Variants in TAF3 observed in about 807,000 individuals in gnomAD.
TAF3 encodes TATA-box binding protein associated factor 3.
In TAF3, 7 loss-of-function variants were observed where a neutral mutation model predicts 80.6. That is an observed-to-expected ratio of 0.09 (90% CI 0.05 to 0.16). The LOEUF is 0.16. Ranked by LOEUF, TAF3 falls within the 10% of genes least tolerant of loss-of-function variation. TAF3 has a pLI of 1.00. For missense variants in TAF3, 921 were observed against 1,140.2 expected, an observed-to-expected ratio of 0.81 and a Z score of 2.77; for synonymous variants, 444 against 446.1, an observed-to-expected ratio of 1.00 and a Z score of 0.06.
intron 2 of TAF3, among the ~76,000 whole-genome samples, chr10:7,871,673 A>G (rs560490913): frequency 1.9e-3 from 287 of 152,012 alleles, no homozygotes; most frequent in African/African-American, 6.3e-3. Context: ...TGAACTCCCA[A>G]CCTCAGGTGA....
intron 2 of TAF3, among the ~76,000 whole-genome samples, chr10:7,836,376 G>A (rs1458073744): frequency 4.6e-5 from 7 of 151,510 alleles, no homozygotes; most frequent in Non-Finnish European, 1.0e-4. Context: ...CCTGGTTCAA[G>A]TGATTCTCCT....
chr10:7,930,888 A>G (rs1210624915), intron 2 of TAF3, among the ~76,000 whole-genome samples: 3 of 152,052 alleles, frequency 2.0e-5, no homozygotes, highest in Non-Finnish European at 4.4e-5. Context: ...TGTAGCACCT[A>G]TAAGATGTTA....
intron 2 of TAF3, among the ~76,000 whole-genome samples, chr10:7,895,453 A>G (rs1227797476): frequency 2.0e-5 from 3 of 152,222 alleles, no homozygotes; most frequent in Non-Finnish European, 2.9e-5. Flanking sequence ...AAGACAGACA[A>G]TGCTTTTCTT....
intron 2 of TAF3, among the ~76,000 whole-genome samples, chr10:7,857,650 A>C (rs997042135): frequency 6.6e-6 from 1 of 152,150 alleles, no homozygotes; most frequent in African/African-American, 2.4e-5. Context: ...TGAAAGGGTA[A>C]TTGTATTTTG....
rs759041540 is a variant in TAF3 at position 7,965,043 on chromosome 10, G to A, written c.1533G>A (p.Glu511=). ...TPEPLHKVYE[E]KTKLPSSVEV... is the part of the protein sequence containing the mutation. ...AACCTCTCCACAAGGTGTATGAGGA[G>A]AAAACCAAGCTGCCTTCCTCCGTGG... is the stretch of plus-strand genomic sequence containing the variant. The change falls in exon 3 of 7, where the codon GAG becomes GAA. Residue 511 remains glutamate, a synonymous_variant. Coordinates refer to ENST00000344293, the MANE Select transcript of TAF3 (RefSeq NM_031923.4). The A allele has an allele frequency of 3.1e-6, 5 of 1,614,040 alleles. No homozygotes were observed. In the East Asian group the frequency reaches 8.9e-5, roughly 29 times the overall value.
At chr10:7,960,063 A>G (rs1009717024) in intron 2 of TAF3, among the ~76,000 whole-genome samples, 1 of 152,218 alleles carries the variant, frequency 6.6e-6, no homozygotes, top group African/African-American at 2.4e-5. Context: ...GCACCATAAC[A>G]TACTCTAAAG....
intron 2 of TAF3, among the ~76,000 whole-genome samples, chr10:7,903,613 T>C (rs1174833208): frequency 6.6e-6 from 1 of 152,258 alleles, no homozygotes; most frequent in East Asian, 1.9e-4. Flanking sequence ...TTGGAATTGC[T>C]TAGCTGATGC....
intron 2 of TAF3, among the ~76,000 whole-genome samples, chr10:7,927,949 G>A (rs888328346): frequency 2.1e-5 from 3 of 142,112 alleles, no homozygotes; most frequent in Admixed American, 7.6e-5. Flanking sequence ...CTCAAAATCT[G>A]GACATTGTTT....
intron 2 of TAF3, among the ~76,000 whole-genome samples, chr10:7,944,073 AT>A (rs1033015977): frequency 4.3e-5 from 6 of 139,814 alleles, no homozygotes; most frequent in African/African-American, 1.6e-4. Flanking sequence ...TTATTCACTG[AT>A]TTTTTAAAAT....
At chr10:7,935,153 T>C (rs866228750) in intron 2 of TAF3, among the ~76,000 whole-genome samples, 9 of 152,214 alleles carry the variant, frequency 5.9e-5, no homozygotes, top group African/African-American at 1.9e-4. Flanking sequence ...GGTGCGCGCC[T>C]GTAATCCCAG....
intron 2 of TAF3, among the ~76,000 whole-genome samples, chr10:7,903,682 A>T (rs1837581142): frequency 6.6e-6 from 1 of 152,206 alleles, no homozygotes; most frequent in Admixed American, 6.5e-5. Flanking sequence ...TTTTCAGGAG[A>T]CTACAGTTAA....
At chr10:8,014,195 G>T (rs1422892667) in intron 6 of TAF3, among the ~76,000 whole-genome samples, 1 of 152,190 alleles carries the variant, frequency 6.6e-6, no homozygotes, top group Non-Finnish European at 1.5e-5. Flanking sequence ...CTTTGTAAAG[G>T]TGGTACAAAC....
intron 2 of TAF3, among the ~76,000 whole-genome samples, chr10:7,855,213 T>C (rs1198033671): frequency 1.3e-5 from 2 of 152,184 alleles, no homozygotes; most frequent in Non-Finnish European, 2.9e-5. Context: ...CAGGTACTTC[T>C]GGAAGTGAGG....
chr10:7,833,691 C>T (rs941978781), intron 2 of TAF3: 22 of 192,692 alleles, frequency 1.1e-4, no homozygotes, highest in African/African-American at 2.8e-4. Context: ...GGCATTGGCA[C>T]GGGCCATGCA....
chr10:7,970,011 G>T (rs1017614730), intron 3 of TAF3, among the ~76,000 whole-genome samples: 2 of 152,170 alleles, frequency 1.3e-5, no homozygotes, highest in African/African-American at 4.8e-5. Context: ...GAATATTCTG[G>T]CTTCAGAGGC....
At chr10:7,969,163 C>T (rs969479938) in intron 3 of TAF3, among the ~76,000 whole-genome samples, 2 of 105,280 alleles carry the variant, frequency 1.9e-5, no homozygotes, top group East Asian at 6.8e-4. Context: ...AACAAACAAA[C>T]AAACAAAAAC....
intron 4 of TAF3, among the ~76,000 whole-genome samples, chr10:7,978,354 G>A (rs1208186851): frequency 2.6e-5 from 4 of 152,150 alleles, no homozygotes; most frequent in South Asian, 2.1e-4. Flanking sequence ...TCAGTTCCAC[G>A]TGTAGTGCAA....
At position 8,009,383 on chromosome 10, in the gene TAF3, A is replaced by C; in HGVS notation, c.2568+53A>C. ...CATGGAGACGTTTTCAGATCGAGAC[A>C]AGTGTGTGCTCTGAATCACTATCGA... On this transcript the variant is annotated intron_variant, in intron 5 of 6. Transcript: ENST00000344293. The surrounding 1 kb of genome is among the most constrained non-coding windows in gnomAD (Gnocchi z 4.1). The C allele has an allele frequency of 1.3e-6, 2 of 1,540,654 alleles. No individual in the cohort carries two copies. The highest frequency in any genetic ancestry group is 1.8e-6 in the Non-Finnish European group (2 of 1,141,244).
Position 8,009,008 on chromosome 10 carries a change from GT to G in TAF3, c.2316-65del. The G allele has an allele frequency of 6.5e-7, 1 of 1,532,916 alleles. No homozygotes were observed. Among genetic ancestry groups the G allele is most frequent in the East Asian group, 2.5e-5 (1 of 39,518 alleles). 95.0% of individuals were successfully genotyped at this position (1,532,916 alleles called of 1,614,324 possible). On this transcript the variant is annotated intron_variant, in intron 4 of 6. Transcript: ENST00000344293. This position sits in a 1 kb window ranked among gnomAD's most constrained non-coding sequence, Gnocchi z 4.1. ...GGAAGAAAAGCTATTTTACGATCAT[GT>G]TTTTAAGCACGGGTTTGGTTCGATG...
Sources: allele counts gnomAD v4.1 joint callset (sites outside exome capture counted in the v4.1 genomes callset), GRCh38; gene constraint gnomAD v4.1.1; non-coding constraint Gnocchi (gnomAD v3.1); transcripts MANE v1.5; gene names NCBI Gene and HGNC (gene_info 2026-07-23, HGNC 2026-07-21).